HAT1: variants seen among roughly 807,000 people sequenced by gnomAD.
The protein encoded by HAT1 is histone acetyltransferase 1.
HAT1 carries 20 observed loss-of-function variants against 56.6 expected under a neutral mutation model. That is an observed-to-expected ratio of 0.35 (90% CI 0.25 to 0.51). The LOEUF is 0.51. Ranked by LOEUF, HAT1 falls within the 20% of genes least tolerant of loss-of-function variation. HAT1 has a pLI of 0.95. For synonymous variants in HAT1, 146 were observed against 165.5 expected (o/e 0.88, Z 0.91); for missense variants, 408 against 504.3 (o/e 0.81, Z 1.83).
chr2:171,966,013 G>T, intron 6 of HAT1, 105 bp downstream of exon 6: 1 of 1,057,230 alleles, frequency 9.5e-7, no homozygotes, highest in South Asian at 1.6e-5. Context: ...ATTTTTCCCA[G>T]GAAAGAAAAA....
chr2:171,958,369 G>T (rs1187408090), intron 4 of HAT1, among the ~76,000 whole-genome samples: 1 of 150,374 alleles, frequency 6.7e-6, no homozygotes, highest in Non-Finnish European at 1.5e-5. Flanking sequence ...TGGGATACAT[G>T]TGCAGAACTT....
chr2:171,976,197 T>A lies in HAT1; in HGVS notation c.864T>A (p.Phe288Leu). The A allele has an allele frequency of 6.3e-7, 1 of 1,597,798 alleles. No individual in the cohort carries two copies. Among genetic ancestry groups the A allele is most frequent in the Non-Finnish European group, 8.5e-7 (1 of 1,171,436 alleles). Residue 288 changes from phenylalanine to leucine, a missense_variant, in exon 9 of 11, where the codon TTT becomes TTA. Coordinates refer to ENST00000264108, the MANE Select transcript of HAT1 (RefSeq NM_003642.4). ...PSKSYVKLRD[F>L]VLVKLCQDLP... is the part of the protein sequence containing the mutation. ...AAAGCTATGTGAAATTACGAGACTT[T>A]GTGCTTGTGAAGCTTTGTCAAGATT...
chr2:171,976,175 G>T lies in HAT1; in HGVS notation c.842G>T (p.Ser281Ile), dbSNP rs1454692139. ...LDITAEDPSKSYVKLRDFVLV... is the reference protein window; with the variant it reads ...LDITAEDPSKIYVKLRDFVLV... The stretch of plus-strand genomic sequence containing the variant: ...TATTTAGCGGAAGATCCATCCAAAA[G>T]CTATGTGAAATTACGAGACTTTGTG... The change falls in exon 9 of 11, where the codon AGC becomes ATC. Residue 281 changes from serine (S) to isoleucine (I), a missense_variant. Ser to Ile is a moderately radical substitution (Grantham distance 142, BLOSUM62 -2). Transcript: ENST00000264108. 6.3e-7 allele frequency: 1 copy of T among 1,583,842 alleles called. No homozygotes were observed. The highest frequency in any genetic ancestry group is 2.3e-5 in the East Asian group (1 of 43,918).
chr2:171,937,637 AAG>A (rs1174141546), intron 2 of HAT1, among the ~76,000 whole-genome samples: 3 of 152,210 alleles, frequency 2.0e-5, no homozygotes, highest in South Asian at 4.1e-4. Context: ...CGGGTAGAAA[AAG>A]AGTTTAATAA....
chr2:171,960,695 A>G (rs1003290275), intron 4 of HAT1, among the ~76,000 whole-genome samples: 3 of 152,000 alleles, frequency 2.0e-5, no homozygotes, highest in African/African-American at 7.3e-5. Flanking sequence ...GACACTGATG[A>G]TTTTTTCATC....
chr2:171,975,739 T>A (rs1384154999), intron 8 of HAT1, among the ~76,000 whole-genome samples: 2 of 152,072 alleles, frequency 1.3e-5, no homozygotes, highest in African/African-American at 2.4e-5. Flanking sequence ...TAAATGTTGT[T>A]TTCTCTCTTT....
intron 2 of HAT1, among the ~76,000 whole-genome samples, chr2:171,939,044 A>T (rs2357207): frequency 0.18 from 27,877 of 151,976 alleles, 3,686 homozygotes; most frequent in African/African-American, 0.37. Context: ...CCCGGCTTCA[A>T]ACACACTTTT....
intron 4 of HAT1, among the ~76,000 whole-genome samples, chr2:171,963,832 T>C (rs1428109711): frequency 6.6e-6 from 1 of 152,204 alleles, no homozygotes; most frequent in Non-Finnish European, 1.5e-5. Flanking sequence ...CAAATAGTAC[T>C]TTAAAAATAA....
At position 171,966,847 on chromosome 2, in the gene HAT1, A is replaced by G; in HGVS notation, c.721A>G (p.Met241Val). 6.7e-7 allele frequency: 1 copy of G among 1,495,016 alleles called. No homozygotes were observed. Among genetic ancestry groups the G allele is most frequent in the Non-Finnish European group, 9.3e-7 (1 of 1,074,336 alleles). The allele number at this position is 1,495,016 out of a possible 1,614,324, so 92.6% of individuals were successfully genotyped here. The change falls in exon 8 of 11, where the codon ATG (methionine) becomes GTG (valine). Residue 241 changes from methionine (M) to valine (V), a missense_variant. By Grantham distance (21) the Met-to-Val change is conservative. Coordinates refer to ENST00000264108, the MANE Select transcript of HAT1 (RefSeq NM_003642.4). ...PDKTRPRVSQ[M>V]LILTPFQGQG... Reference sequence around the variant, plus strand: ...AAAATAATTTCTTTACTGTAGTCAGATGCTGATTTTGACTCCATTTCAAGG... The same window carrying G: ...AAAATAATTTCTTTACTGTAGTCAGGTGCTGATTTTGACTCCATTTCAAGG...
rs901547943 is a variant in HAT1, at chr2:171,983,480, A to G, written c.*128A>G. ...CTAAAAGTTATCTATCTTTAGTTGA[A>G]TATTTTCTTTTGGAGAGATTGTATA... On this transcript the variant is annotated 3_prime_UTR_variant, in exon 11 of 11. Coordinates refer to ENST00000264108, the MANE Select transcript of HAT1 (RefSeq NM_003642.4). The G allele has an allele frequency of 8.3e-6, 4 of 480,734 alleles. No homozygotes were observed. Among genetic ancestry groups the G allele is most frequent in the Non-Finnish European group, 1.5e-5 (4 of 267,190 alleles). The allele number at this position is 480,734 out of a possible 1,614,324, so 29.8% of individuals were successfully genotyped here. A position where few individuals can be genotyped will look rare whatever the true frequency, so the allele number is the denominator to read the frequency against.
At chr2:171,926,990 C>G (rs992965524) in intron 2 of HAT1, among the ~76,000 whole-genome samples, 1 of 152,150 alleles carries the variant, frequency 6.6e-6, no homozygotes, top group Non-Finnish European at 1.5e-5. Context: ...AATTCTGATA[C>G]CTATTGCAGT....
At chr2:171,967,947 C>A (rs1687723392) in intron 8 of HAT1, among the ~76,000 whole-genome samples, 1 of 113,024 alleles carries the variant, frequency 8.8e-6, no homozygotes, top group Non-Finnish European at 1.6e-5. Flanking sequence ...CATAAATAGG[C>A]TAGTAAGCAG....
At chr2:171,948,458 C>T (rs1687225661) in intron 3 of HAT1, among the ~76,000 whole-genome samples, 1 of 152,130 alleles carries the variant, frequency 6.6e-6, no homozygotes, top group Admixed American at 6.5e-5. Context: ...CTCCTGACCT[C>T]AAGTGATCAC....
chr2:171,956,178 TAAAAAAAAAAA>T (rs71013096), intron 4 of HAT1, among the ~76,000 whole-genome samples: 1 of 92,850 alleles, frequency 1.1e-5, no homozygotes, highest in Non-Finnish European at 2.1e-5. Flanking sequence ...ACCCTGTCTT[TAAAAAAAAAAA>T]AAAAAAAAAA....
At chr2:171,936,955 G>GTATGTATT (rs1686886995) in intron 2 of HAT1, among the ~76,000 whole-genome samples, 1 of 152,126 alleles carries the variant, frequency 6.6e-6, no homozygotes, top group Admixed American at 6.6e-5. Context: ...AAATACTTAA[G>GTATGTATT]TATTTATTTA....
In HAT1 at chr2:171,978,636, G is replaced by A. The variant is rs548063910; in HGVS notation, c.976-611G>A. ...CTTGACCCCTTGGTCTTCTTGTGCT[G>A]TTCCAGTTCATGCCCTCATCGTTTT... On this transcript the variant is annotated intron_variant, in intron 9 of 10. Coordinates refer to ENST00000264108, the MANE Select transcript of HAT1 (RefSeq NM_003642.4). Among the ~76,000 whole-genome samples, 23 of 152,224 alleles carry A rather than the reference G, an allele frequency of 1.5e-4. No individual in the cohort carries two copies. In the South Asian group the frequency reaches 4.8e-3, roughly 32 times the overall value.
At chr2:171,945,828 C>T (rs1280233277) in intron 2 of HAT1, among the ~76,000 whole-genome samples, 1 of 152,138 alleles carries the variant, frequency 6.6e-6, no homozygotes, top group African/African-American at 2.4e-5. Flanking sequence ...TGCCACCATG[C>T]CCGGCTAATT....
intron 3 of HAT1, 140 bp downstream of exon 3, chr2:171,946,923 T>G (rs936448759): frequency 7.3e-6 from 4 of 546,482 alleles, no homozygotes; most frequent in Non-Finnish European, 1.3e-5. Context: ...TATAATGGTG[T>G]TTTTTTACAT....
At position 171,974,191 on chromosome 2, in the gene HAT1, AAG is replaced by A. The variant is rs1250627262; in HGVS notation, c.824-1964_824-1963del. 6.2e-4 allele frequency among the ~76,000 whole-genome samples: 65 copies of A among 104,064 alleles called. 2 individuals are homozygous for A. The highest frequency in any genetic ancestry group is 5.6e-3 in the Middle Eastern group (1 of 178). The allele number at this position is 104,064 out of a possible 152,430, so 68.3% of individuals were successfully genotyped here. A position where few individuals can be genotyped will look rare whatever the true frequency, so the allele number is the denominator to read the frequency against. On this transcript the variant is annotated intron_variant, in intron 8 of 10. Transcript: ENST00000264108. ...CCTGTCTCAAAAAAAAAAAAAAAAA[AAG>A]AAAAAAAGAAAAAGAAAAAAAAAAA...
Sources: allele counts gnomAD v4.1 joint callset (sites outside exome capture counted in the v4.1 genomes callset), GRCh38; gene constraint gnomAD v4.1.1; transcripts MANE v1.5; gene names NCBI Gene and HGNC (gene_info 2026-07-23, HGNC 2026-07-21).